Variants in IGF1R observed in about 807,000 individuals in gnomAD.
IGF1R encodes insulin-like growth factor 1 receptor.
A neutral mutation model predicts 144.6 loss-of-function variants in IGF1R; 44 were observed. The ratio of observed to expected loss-of-function variants is 0.30; its 90% CI spans 0.24 to 0.39. The LOEUF (loss-of-function observed/expected upper bound fraction) is 0.39, where lower values mean the gene tolerates loss of function less well. Ranked by LOEUF, IGF1R falls within the 10% of genes least tolerant of loss-of-function variation. The pLI, the probability that IGF1R is intolerant of heterozygous loss-of-function variation, is 1.00. For missense variants in IGF1R, 1,355 were observed against 1,833.7 expected (o/e 0.74, Z 4.77); for synonymous variants, 795 against 722.8 (o/e 1.10, Z -1.60).
At chr15:98,763,058 A>G (rs2055346714) in intron 2 of IGF1R, among the ~76,000 whole-genome samples, 1 of 152,118 alleles carries the variant, frequency 6.6e-6, no homozygotes. Flanking sequence ...AAAAAAAAAA[A>G]AAAAATTCCT....
At chr15:98,754,996 A>C (rs1443425111) in intron 2 of IGF1R, among the ~76,000 whole-genome samples, 1 of 152,214 alleles carries the variant, frequency 6.6e-6, no homozygotes, top group Admixed American at 6.5e-5. Context: ...AAACAGATAT[A>C]TATGTGTATA....
At chr15:98,696,604 T>C (rs938538958) in intron 1 of IGF1R, among the ~76,000 whole-genome samples, 12 of 152,226 alleles carry the variant, frequency 7.9e-5, no homozygotes, top group African/African-American at 2.9e-4. Flanking sequence ...GGCTTCACTT[T>C]GTAGCAGTGT....
chr15:98,950,179 T>G (rs933321039), intron 20 of IGF1R, among the ~76,000 whole-genome samples: 2 of 152,162 alleles, frequency 1.3e-5, no homozygotes, highest in African/African-American at 4.8e-5. Flanking sequence ...GGCACCCAGC[T>G]CCTATCTCTC....
chr15:98,743,357 C>T (rs2054791331), intron 2 of IGF1R, among the ~76,000 whole-genome samples: 1 of 152,168 alleles, frequency 6.6e-6, no homozygotes, highest in African/African-American at 2.4e-5. Context: ...CAGTGAGTCA[C>T]TCATCTCCTT....
intron 2 of IGF1R, among the ~76,000 whole-genome samples, chr15:98,765,335 T>TTTTTTTTTTA (rs2055411230): frequency 1.3e-5 from 1 of 79,962 alleles, no homozygotes; most frequent in African/African-American, 3.8e-5. Context: ...TTTTTTTTTT[T>TTTTTTTTTTA]TGAGACAGTC....
chr15:98,778,042 A>G (rs1367604741), intron 2 of IGF1R, among the ~76,000 whole-genome samples: 1 of 152,200 alleles, frequency 6.6e-6, no homozygotes, highest in Non-Finnish European at 1.5e-5. Context: ...CAGCAATGAC[A>G]ATGCAGAGCT....
chr15:98,940,343 T>C (rs1025433533), intron 18 of IGF1R, among the ~76,000 whole-genome samples: 2 of 152,216 alleles, frequency 1.3e-5, no homozygotes, highest in Non-Finnish European at 2.9e-5. Flanking sequence ...TTTTTTCCTT[T>C]AGTAGTGATG....
chr15:98,873,453 A>G (rs1218002790), intron 2 of IGF1R, among the ~76,000 whole-genome samples: 3 of 152,206 alleles, frequency 2.0e-5, no homozygotes, highest in Non-Finnish European at 4.4e-5. Context: ...GTTGTATACT[A>G]ATTTGTAGAT....
chr15:98,753,011 C>T (rs2055054708), intron 2 of IGF1R, among the ~76,000 whole-genome samples: 1 of 148,252 alleles, frequency 6.7e-6, no homozygotes, highest in Non-Finnish European at 1.5e-5. Flanking sequence ...TCTTGGCTCA[C>T]TGCAACCTCC....
intron 1 of IGF1R, among the ~76,000 whole-genome samples, chr15:98,663,293 G>A (rs1336225344): frequency 2.0e-5 from 3 of 152,280 alleles, no homozygotes; most frequent in East Asian, 1.9e-4. Flanking sequence ...GACTGGGGGC[G>A]GTAGCACAGG....
At chr15:98,744,375 G>T (rs140545769) in intron 2 of IGF1R, among the ~76,000 whole-genome samples, 1 of 152,066 alleles carries the variant, frequency 6.6e-6, no homozygotes. Context: ...TCTTGCAAGA[G>T]GGGAGGCCTT....
At chr15:98,778,062 C>T (rs1002196520) in intron 2 of IGF1R, among the ~76,000 whole-genome samples, 1 of 152,184 alleles carries the variant, frequency 6.6e-6, no homozygotes, top group African/African-American at 2.4e-5. Flanking sequence ...TTAATAAGAA[C>T]AGGTTCTAGA....
At chr15:98,896,647 T>G (rs1208578428) in intron 3 of IGF1R, 110 bp from the exon 4 acceptor site, 2 of 1,176,332 alleles carry the variant, frequency 1.7e-6, no homozygotes, top group East Asian at 5.0e-5. Flanking sequence ...CAGTTGCTTT[T>G]TCTAATGCAT....
intron 2 of IGF1R, among the ~76,000 whole-genome samples, chr15:98,753,529 G>A (rs2055074448): frequency 6.6e-6 from 1 of 151,606 alleles, no homozygotes; most frequent in African/African-American, 2.4e-5. Flanking sequence ...CACTATGCCT[G>A]GCCAATAATT....
chr15:98,943,816 G>A (rs1225229804), intron 19 of IGF1R, among the ~76,000 whole-genome samples: 3 of 152,166 alleles, frequency 2.0e-5, no homozygotes, highest in Admixed American at 6.5e-5. Context: ...TACAGAAATG[G>A]TAGTTGTTTA....
At chr15:98,801,869 T>C (rs1418950776) in intron 2 of IGF1R, among the ~76,000 whole-genome samples, 1 of 152,214 alleles carries the variant, frequency 6.6e-6, no homozygotes, top group Non-Finnish European at 1.5e-5. Context: ...TCTGAAACAC[T>C]GCAAGCCAAT....
intron 2 of IGF1R, among the ~76,000 whole-genome samples, chr15:98,791,075 A>C (rs1262567566): frequency 6.6e-6 from 1 of 152,246 alleles, no homozygotes; most frequent in Non-Finnish European, 1.5e-5. Flanking sequence ...TGCATAGCTT[A>C]GTTCATGCTC....
intron 2 of IGF1R, among the ~76,000 whole-genome samples, chr15:98,811,754 G>A (rs1262019660): frequency 6.6e-6 from 1 of 151,392 alleles, no homozygotes; most frequent in Admixed American, 6.6e-5. Context: ...GTGAAACCCC[G>A]TGTCCACTAA....
chr15:98,739,404 TTCAGAG>T (rs2054685942), intron 2 of IGF1R, among the ~76,000 whole-genome samples: 1 of 152,132 alleles, frequency 6.6e-6, no homozygotes, highest in African/African-American at 2.4e-5. Context: ...TTGATGTTTT[TTCAGAG>T]TCAAAGTATC....
Sources: gnomAD v4.1 joint callset for allele counts (sites outside exome capture counted in the v4.1 genomes callset) on GRCh38, gnomAD v4.1.1 for gene constraint, MANE v1.5 for transcripts, NCBI Gene and HGNC (gene_info 2026-07-23, HGNC 2026-07-21) for gene names.